DLGAP2: variants seen among roughly 807,000 people sequenced by gnomAD.
DLGAP2 encodes DLG associated protein 2.
Under a neutral mutation model 100.3 loss-of-function variants are expected in DLGAP2, and 26 were observed. The ratio of observed to expected loss-of-function variants is 0.26; its 90% CI spans 0.19 to 0.36. The LOEUF (loss-of-function observed/expected upper bound fraction) is 0.36, where lower values mean the gene tolerates loss of function less well. Ranked by LOEUF, DLGAP2 falls within the 10% of genes least tolerant of loss-of-function variation. The probability of loss-of-function intolerance (pLI) is 1.00; values close to 1 mark genes in which losing one functional copy is unlikely to be tolerated. For synonymous variants in DLGAP2, 886 were observed against 630.1 expected (o/e 1.41, Z -6.08); for missense variants, 1,858 against 1,453.2 (o/e 1.28, Z -4.53).
intron 3 of DLGAP2, among the ~76,000 whole-genome samples, chr8:1,440,251 G>T (rs898468755): frequency 1.3e-5 from 2 of 152,212 alleles, no homozygotes; most frequent in African/African-American, 4.8e-5. Flanking sequence ...TCTATTTTGA[G>T]TTCAAGTTCT....
chr8:1,107,394 C>G (rs1347618100), intron 2 of DLGAP2, among the ~76,000 whole-genome samples: 1 of 152,212 alleles, frequency 6.6e-6, no homozygotes, highest in Non-Finnish European at 1.5e-5. Context: ...CAGATCCACT[C>G]ACACAGAGGT....
intron 2 of DLGAP2, among the ~76,000 whole-genome samples, chr8:1,072,981 G>A (rs1803481948): frequency 6.6e-6 from 1 of 152,150 alleles, no homozygotes; most frequent in Non-Finnish European, 1.5e-5. Flanking sequence ...ATTTTTAGCT[G>A]TATCCGACTA....
At chr8:744,643 C>A (rs1183679181) in intron 1 of DLGAP2, among the ~76,000 whole-genome samples, 1 of 148,736 alleles carries the variant, frequency 6.7e-6, no homozygotes, top group Non-Finnish European at 1.5e-5. Flanking sequence ...GGGGTGCTGG[C>A]TGTCTGCTCC....
intron 3 of DLGAP2, among the ~76,000 whole-genome samples, chr8:1,438,634 A>G (rs1797725237): frequency 6.6e-6 from 1 of 152,236 alleles, no homozygotes; most frequent in Non-Finnish European, 1.5e-5. Flanking sequence ...ATACATGGAG[A>G]AAAAGCCGGG....
intron 3 of DLGAP2, chr8:1,297,244 A>C (rs1388697645): frequency 6.6e-6 from 1 of 152,254 alleles, no homozygotes; most frequent in Non-Finnish European, 1.5e-5. Context: ...AAAGGCATGC[A>C]TTTGTATCCA....
At chr8:1,249,387 G>C (rs1480839794) in intron 2 of DLGAP2, among the ~76,000 whole-genome samples, 1 of 152,124 alleles carries the variant, frequency 6.6e-6, no homozygotes, top group Non-Finnish European at 1.5e-5. Context: ...AGTTCCTTAT[G>C]TCATCTCTTC....
At chr8:1,427,326 T>A (rs552082106) in intron 3 of DLGAP2, among the ~76,000 whole-genome samples, 74 of 152,304 alleles carry the variant, frequency 4.9e-4, no homozygotes, top group Non-Finnish European at 3.5e-4. Flanking sequence ...ATGATAAATA[T>A]GTATTACCAA....
At chr8:1,593,264 G>A (rs569616456) in intron 6 of DLGAP2, among the ~76,000 whole-genome samples, 1 of 151,966 alleles carries the variant, frequency 6.6e-6, no homozygotes, top group Non-Finnish European at 1.5e-5. Flanking sequence ...ACCATCCTGG[G>A]TAACACGGTG....
chr8:1,281,924 T>C (rs1799821619), intron 3 of DLGAP2, among the ~76,000 whole-genome samples: 1 of 152,246 alleles, frequency 6.6e-6, no homozygotes, highest in South Asian at 2.1e-4. Context: ...GTGTCAGTTA[T>C]TGCCGATGAA....
intron 3 of DLGAP2, among the ~76,000 whole-genome samples, chr8:1,353,178 G>A (rs1273445888): frequency 6.6e-6 from 1 of 152,182 alleles, no homozygotes; most frequent in Non-Finnish European, 1.5e-5. Flanking sequence ...GATTTTCAGA[G>A]GCAGGTAAGG....
intron 2 of DLGAP2, among the ~76,000 whole-genome samples, chr8:1,172,072 A>G (rs1797140669): frequency 6.6e-6 from 1 of 151,948 alleles, no homozygotes; most frequent in Non-Finnish European, 1.5e-5. Context: ...CTTTTAGGGC[A>G]GGCCTGGTGG....
At chr8:1,192,044 G>A (rs964395891) in intron 2 of DLGAP2, among the ~76,000 whole-genome samples, 3 of 152,146 alleles carry the variant, frequency 2.0e-5, no homozygotes, top group Non-Finnish European at 4.4e-5. Flanking sequence ...ATTCGTAGCC[G>A]CTGCCAGCCT....
chr8:894,483 G>C (rs527471901), intron 1 of DLGAP2, among the ~76,000 whole-genome samples: 1 of 151,774 alleles, frequency 6.6e-6, no homozygotes, highest in Non-Finnish European at 1.5e-5. Context: ...TGGAAACATG[G>C]ATGGAGCTGG....
intron 12 of DLGAP2, among the ~76,000 whole-genome samples, chr8:1,680,003 AGAG>A (rs1171596374): frequency 6.7e-6 from 1 of 149,928 alleles, no homozygotes; most frequent in Non-Finnish European, 1.5e-5. Flanking sequence ...AAAAAAAAAA[AGAG>A]CTCAGAAGCA....
intron 4 of DLGAP2, among the ~76,000 whole-genome samples, chr8:1,513,812 G>A (rs934224917): frequency 6.6e-6 from 1 of 152,162 alleles, no homozygotes; most frequent in Non-Finnish European, 1.5e-5. Context: ...GGTCACGTTC[G>A]TACAGTCCAA....
At chr8:1,149,904 A>G (rs1262384901) in intron 2 of DLGAP2, among the ~76,000 whole-genome samples, 1 of 152,214 alleles carries the variant, frequency 6.6e-6, no homozygotes, top group East Asian at 1.9e-4. Flanking sequence ...ACCTTCCAGA[A>G]AATGCCAAGA....
At chr8:1,466,027 A>C (rs115081370) in intron 3 of DLGAP2, among the ~76,000 whole-genome samples, 2,366 of 152,286 alleles carry the variant, frequency 0.016, 29 homozygotes, top group South Asian at 0.043. Context: ...TGAGGCGGGC[A>C]CCGTGGGCGA....
chr8:1,149,253 C>A (rs1206810594), intron 2 of DLGAP2, among the ~76,000 whole-genome samples: 1 of 152,164 alleles, frequency 6.6e-6, no homozygotes, highest in Admixed American at 6.5e-5. Flanking sequence ...TCACGCCATT[C>A]TCCCGCCTCA....
At chr8:1,093,638 CT>C (rs1380690421) in intron 2 of DLGAP2, among the ~76,000 whole-genome samples, 1 of 151,894 alleles carries the variant, frequency 6.6e-6, no homozygotes, top group Admixed American at 6.6e-5. Flanking sequence ...GACAGAAACA[CT>C]TTCACACTAA....
Sources: gnomAD v4.1 joint callset for allele counts (sites outside exome capture counted in the v4.1 genomes callset) on GRCh38, gnomAD v4.1.1 for gene constraint, MANE v1.5 for transcripts, NCBI Gene and HGNC (gene_info 2026-07-23, HGNC 2026-07-21) for gene names.